The following SDK1 variants were observed in gnomAD, a reference collection of about 807,000 sequenced individuals.
The protein encoded by SDK1 is sidekick cell adhesion molecule 1, also known as protein sidekick-1.
Under a neutral mutation model 245.5 loss-of-function variants are expected in SDK1, and 157 were observed. The ratio of observed to expected loss-of-function variants is 0.64; its 90% CI spans 0.56 to 0.73. SDK1 has a LOEUF of 0.73. Ranked by LOEUF, SDK1 falls within the 30% of genes least tolerant of loss-of-function variation. SDK1 has a pLI of 0.00. For missense variants in SDK1, 3,583 were observed against 3,002.3 expected, an observed-to-expected ratio of 1.19 and a Z score of -4.52; for synonymous variants, 1,647 against 1,278.5, an observed-to-expected ratio of 1.29 and a Z score of -6.15.
rs532818206 is a variant in SDK1, at chr7:4,041,335, A to G, written c.2603-8013A>G. Among the ~76,000 whole-genome samples the G allele has an allele frequency of 2.0e-5, 3 of 149,298 alleles. 1 individual carries two copies. In the East Asian group the frequency reaches 5.9e-4, roughly 29 times the overall value. ...TTTCAGATTCATAGGACAGTTGAGT[A>G]GAAAGTTAAAAGAGTTTTGATATAC... is the stretch of plus-strand genomic sequence containing the variant. On this transcript the variant is annotated intron_variant, in intron 17 of 44. Coordinates refer to ENST00000404826, the MANE Select transcript of SDK1 (RefSeq NM_152744.4).
At chr7:3,862,583 T>G (rs945388499) in intron 5 of SDK1, among the ~76,000 whole-genome samples, 2 of 152,250 alleles carry the variant, frequency 1.3e-5, no homozygotes, top group South Asian at 4.1e-4. Context: ...AGTGGTTATC[T>G]GAATTATTTG....
chr7:3,892,346 A>G (rs1235962367), intron 5 of SDK1, among the ~76,000 whole-genome samples: 2 of 152,188 alleles, frequency 1.3e-5, no homozygotes, highest in Non-Finnish European at 2.9e-5. Context: ...TCCTCATGCC[A>G]GGCTGAGGCT....
intron 13 of SDK1, among the ~76,000 whole-genome samples, chr7:3,977,771 G>T (rs1583703454): frequency 6.6e-6 from 1 of 152,234 alleles, no homozygotes; most frequent in Admixed American, 6.5e-5. Context: ...AAGCACCTTG[G>T]TGGCACTGTT....
intron 17 of SDK1, among the ~76,000 whole-genome samples, chr7:4,040,331 TCA>T (rs1788529230): frequency 6.6e-6 from 1 of 152,124 alleles, no homozygotes; most frequent in Non-Finnish European, 1.5e-5. Context: ...CTGAGTGTGC[TCA>T]GAGTCTGTAG....
intron 4 of SDK1, among the ~76,000 whole-genome samples, chr7:3,790,658 T>C (rs1185781850): frequency 6.6e-6 from 1 of 151,928 alleles, no homozygotes; most frequent in African/African-American, 2.4e-5. Context: ...AATACAAAAT[T>C]ATCTGGGCAT....
chr7:3,569,431 G>T (rs1306861146), intron 1 of SDK1, among the ~76,000 whole-genome samples: 1 of 152,200 alleles, frequency 6.6e-6, no homozygotes, highest in Non-Finnish European at 1.5e-5. Context: ...TCATGGTGCT[G>T]GGAGGAGAAG....
At position 4,077,168 on chromosome 7, in the gene SDK1, A is replaced by G. The variant is rs1420866674; in HGVS notation, c.3181A>G (p.Ile1061Val). ...CACTGGCCTGGTGACTTCATCCACC[A>G]TTTCTTCTGGAGTGCCCCCAGGTCA... The part of the protein sequence containing the change: ...VGTGLVTSST[I>V]SSGVPPDLPG... Residue 1061 changes from isoleucine to valine, a missense_variant, in exon 21 of 45, where the codon ATT becomes GTT. Ile to Val is a conservative substitution (Grantham distance 29). Transcript: ENST00000404826. The G allele has an allele frequency of 4.3e-6, 7 of 1,614,008 alleles. No homozygotes were observed. The African/African-American group carries it at 6.7e-5, about 15-fold the overall frequency.
chr7:3,999,120 C>G (rs1205513197), intron 14 of SDK1, among the ~76,000 whole-genome samples: 4 of 152,096 alleles, frequency 2.6e-5, no homozygotes, highest in Non-Finnish European at 5.9e-5. Context: ...AGATATCTCT[C>G]CCCAAACACA....
Position 3,970,312 on chromosome 7 carries a change from G to T in SDK1, c.1714+888G>T, listed in dbSNP as rs955789340. Among the ~76,000 whole-genome samples the T allele has an allele frequency of 5.4e-4, 82 of 152,290 alleles. 1 individual carries two copies. The highest frequency in any genetic ancestry group is 1.6e-3 in the African/African-American group (68 of 41,564). The stretch of plus-strand genomic sequence containing the variant: ...TCTAGCATTTTCTATCATATGGTTG[G>T]TGTCCACTTTGATAAACGACTCTTC... On this transcript the variant is annotated intron_variant, in intron 11 of 44. Transcript: ENST00000404826.
intron 1 of SDK1, among the ~76,000 whole-genome samples, chr7:3,611,817 C>A (rs902506435): frequency 2.0e-5 from 3 of 151,244 alleles, no homozygotes; most frequent in East Asian, 2.0e-4. Context: ...ATGAAAAAAT[C>A]AAAAAATAAT....
At chr7:3,535,560 T>G (rs903393126) in intron 1 of SDK1, among the ~76,000 whole-genome samples, 1 of 152,152 alleles carries the variant, frequency 6.6e-6, no homozygotes, top group African/African-American at 2.4e-5. Context: ...CTTCTTTGCT[T>G]GAAAGTTTTC....
intron 1 of SDK1, among the ~76,000 whole-genome samples, chr7:3,511,578 GTCT>G (rs145885248): frequency 5.3e-4 from 81 of 152,080 alleles, no homozygotes; most frequent in African/African-American, 1.8e-3. Flanking sequence ...AGTTATTCCT[GTCT>G]TCTTAACATT....
intron 1 of SDK1, among the ~76,000 whole-genome samples, chr7:3,455,140 GT>G (rs545459656): frequency 3.3e-4 from 48 of 144,674 alleles, no homozygotes; most frequent in Admixed American, 2.1e-3. Context: ...TTGGATTTTT[GT>G]TTTTTTTTTA....
chr7:3,369,125 A>T (rs1781161536), intron 1 of SDK1, among the ~76,000 whole-genome samples: 1 of 151,822 alleles, frequency 6.6e-6, no homozygotes, highest in Non-Finnish European at 1.5e-5. Context: ...GCTCACTGCA[A>T]CCTCTGCCTC....
intron 1 of SDK1, among the ~76,000 whole-genome samples, chr7:3,445,021 T>C (rs1027058226): frequency 1.3e-5 from 2 of 152,338 alleles, no homozygotes; most frequent in Admixed American, 1.3e-4. Flanking sequence ...AGTAGGCATA[T>C]TTGTAGGATA....
intron 1 of SDK1, among the ~76,000 whole-genome samples, chr7:3,490,993 G>C (rs79286053): frequency 0.018 from 2,745 of 152,310 alleles, 91 homozygotes; most frequent in African/African-American, 0.062. Context: ...ACCGTCAACA[G>C]ACTGATCACC....
intron 4 of SDK1, among the ~76,000 whole-genome samples, chr7:3,787,857 A>G (rs369233935): frequency 6.6e-6 from 1 of 152,278 alleles, no homozygotes; most frequent in East Asian, 1.9e-4. Context: ...ACGTGGTTTC[A>G]TTGGGGCCCT....
chr7:4,220,077 C>T (rs1785054346), intron 38 of SDK1, 32 bp from the exon 39 acceptor site: 1 of 1,602,892 alleles, frequency 6.2e-7, no homozygotes, highest in Non-Finnish European at 8.5e-7. Context: ...CAGGCTGAAC[C>T]CCCTTGTTTC....
At chr7:4,027,440 G>A (rs1176872067) in intron 17 of SDK1, among the ~76,000 whole-genome samples, 1 of 152,200 alleles carries the variant, frequency 6.6e-6, no homozygotes, top group Non-Finnish European at 1.5e-5. Flanking sequence ...GGGATACTAA[G>A]TAGGATGTAG....
Sources: allele counts gnomAD v4.1 joint callset (sites outside exome capture counted in the v4.1 genomes callset), GRCh38; gene constraint gnomAD v4.1.1; transcripts MANE v1.5; gene names NCBI Gene and HGNC (gene_info 2026-07-23, HGNC 2026-07-21).